WNT10B: variants seen among roughly 807,000 people sequenced by gnomAD.
WNT10B encodes the protein protein Wnt-10b.
Under a neutral mutation model 32.7 loss-of-function variants are expected in WNT10B, and 26 were observed. The observed-to-expected ratio is 0.79, with a 90% CI of 0.58 to 1.10. The LOEUF (loss-of-function observed/expected upper bound fraction) is 1.10. Among genes scored for constraint, WNT10B ranks in the 50% least tolerant of loss-of-function variants. The probability of loss-of-function intolerance (pLI) is 0.00; values close to 1 mark genes in which losing one functional copy is unlikely to be tolerated. For missense variants in WNT10B, 474 were observed against 532.5 expected (o/e 0.89, Z 1.08); for synonymous variants, 204 against 220.4 (o/e 0.93, Z 0.66).
rs895712451 is a variant in WNT10B, at chr12:48,970,573, C to A, written c.-40-4G>T. The A allele has an allele frequency of 6.4e-7, 1 of 1,552,124 alleles. No individual in the cohort carries two copies. Among genetic ancestry groups the A allele is most frequent in the Non-Finnish European group, 8.7e-7 (1 of 1,146,278 alleles). ...CGGTGGGCAGATCGATCAGGACCTGCGGGACGGGAGACTTGATGCGGGTTC... is the reference window on the plus strand; with the variant it reads ...CGGTGGGCAGATCGATCAGGACCTGAGGGACGGGAGACTTGATGCGGGTTC... On this transcript the variant is annotated splice_region_variant and splice_polypyrimidine_tract_variant and intron_variant, in intron 1 of 4. Coordinates refer to ENST00000301061, the MANE Select transcript of WNT10B (RefSeq NM_003394.4). This position sits in a 1 kb window ranked among gnomAD's most constrained non-coding sequence, Gnocchi z 5.0.
intron 3 of WNT10B, chr12:48,969,044 T>A: frequency 2.1e-6 from 1 of 468,692 alleles, no homozygotes; most frequent in Non-Finnish European, 4.4e-6. Context: ...GCTTCTTTGT[T>A]ATGTTTTGGG....
rs1326278545 is a variant in WNT10B, at chr12:48,970,025, C to T, written c.337+64G>A. On this transcript the variant is annotated intron_variant, in intron 3 of 4. Coordinates refer to ENST00000301061, the MANE Select transcript of WNT10B (RefSeq NM_003394.4). The surrounding 1 kb of genome is among the most constrained non-coding windows in gnomAD (Gnocchi z 5.0). ...GAAACCATCCCTTCCCGCCTCCGCG[C>T]GCCTCGCCCTGCCGCCCACCCCCTA... 14 of 1,391,172 alleles carry T rather than the reference C, an allele frequency of 1.0e-5. No individual in the cohort carries two copies. The highest frequency in any genetic ancestry group is 1.2e-5 in the Non-Finnish European group (13 of 1,080,136). The allele number at this position is 1,391,172 out of a possible 1,614,324, so 86.2% of individuals were successfully genotyped here.
intron 3 of WNT10B, among the ~76,000 whole-genome samples, chr12:48,968,802 A>T (rs1415950221): frequency 1.5e-4 from 22 of 143,102 alleles, no homozygotes; most frequent in Middle Eastern, 3.6e-3. Flanking sequence ...TTTTTTTTTT[A>T]AATTCACTTC....
rs1940827775 is a variant in WNT10B, at chr12:48,970,265, A to T, written c.161T>A (p.Leu54Gln). 1 of 1,613,452 alleles carries T rather than the reference A, an allele frequency of 6.2e-7. No homozygotes were observed. The highest frequency in any genetic ancestry group is 1.1e-5 in the South Asian group (1 of 91,004). The change falls in exon 3 of 5, where the codon CTG (leucine) becomes CAG (glutamine). Residue 54 changes from leucine (L) to glutamine (Q), a missense_variant. Coordinates refer to ENST00000301061, the MANE Select transcript of WNT10B (RefSeq NM_003394.4). The surrounding 1 kb of genome is among the most constrained non-coding windows in gnomAD (Gnocchi z 5.0). The stretch of plus-strand genomic sequence containing the variant: ...GCACAGGCCTAGCTGCCGCTTGCTC[A>T]GGCCGGACAGCGTCAAGCACACGGT... ...ANTVCLTLSGLSKRQLGLCLR... is the reference protein window; with the variant it reads ...ANTVCLTLSGQSKRQLGLCLR...
chr12:48,970,211 G>A lies in WNT10B; in HGVS notation c.215C>T (p.Ala72Val). Reference sequence around the variant, plus strand: ...GACCGCGATGTGCAGACCCTGAAGCGCGGACGCCGTCACGTCGGGGTTGCG... The same window carrying A: ...GACCGCGATGTGCAGACCCTGAAGCACGGACGCCGTCACGTCGGGGTTGCG... Reference protein sequence around the residue: ...CLRNPDVTASALQGLHIAVHE... With the variant: ...CLRNPDVTASVLQGLHIAVHE... Residue 72 changes from alanine to valine, a missense_variant, in exon 3 of 5, where the codon GCG becomes GTG. Ala to Val is a moderately conservative substitution (Grantham distance 64). Transcript: ENST00000301061. This position sits in a 1 kb window ranked among gnomAD's most constrained non-coding sequence, Gnocchi z 5.0. 6.3e-7 allele frequency: 1 copy of A among 1,596,714 alleles called. No individual in the cohort carries two copies. The highest frequency in any genetic ancestry group is 1.3e-5 in the African/African-American group (1 of 74,632).
chr12:48,970,897 A>C lies in WNT10B; in HGVS notation c.-40-328T>G. 5.8e-6 allele frequency: 2 copies of C among 342,630 alleles called. No individual in the cohort carries two copies. The highest frequency in any genetic ancestry group is 1.1e-5 in the Non-Finnish European group (2 of 182,486). 21.2% of individuals were successfully genotyped at this position (342,630 alleles called of 1,614,324 possible). ...CAGACTCACAAACACTTGCTCCACAACCTCGCCTACTGCTCCCTTTTCCAG... is the reference window on the plus strand; with the variant it reads ...CAGACTCACAAACACTTGCTCCACACCCTCGCCTACTGCTCCCTTTTCCAG... On this transcript the variant is annotated intron_variant, in intron 1 of 4. Coordinates refer to ENST00000301061, the MANE Select transcript of WNT10B (RefSeq NM_003394.4). The surrounding 1 kb of genome is among the most constrained non-coding windows in gnomAD (Gnocchi z 5.0).
rs2137614951 is a variant in WNT10B at position 48,970,171 on chromosome 12, G to A, written c.255C>T (p.His85=). ...GLHIAVHECQ[H]QLRDQRWNCS... ...AGTTCCAGCGCTGGTCGCGCAGCTG[G>A]TGCTGACACTCGTGGACCGCGATGT... The change falls in exon 3 of 5, where the codon CAC becomes CAT. Residue 85 remains histidine, a synonymous_variant. Coordinates refer to ENST00000301061, the MANE Select transcript of WNT10B (RefSeq NM_003394.4). The surrounding 1 kb of genome is among the most constrained non-coding windows in gnomAD (Gnocchi z 5.0). The A allele has an allele frequency of 6.4e-7, 1 of 1,558,762 alleles. No individual in the cohort carries two copies.
intron 1 of WNT10B, among the ~76,000 whole-genome samples, chr12:48,971,235 G>A (rs1380010167): frequency 6.6e-6 from 1 of 152,144 alleles, no homozygotes; most frequent in Admixed American, 6.6e-5. Flanking sequence ...ATAGTCGCCC[G>A]TCTGGTCCTC....
chr12:48,971,451 T>C lies in WNT10B; in HGVS notation c.-41+4A>G. On this transcript the variant is annotated splice_donor_region_variant and intron_variant, in intron 1 of 4. Transcript: ENST00000301061. ...GCCCTCCCTGCTTTCCCAGGTCTAA[T>C]TACCTCCAGTGGTTTGGGTGCGGGG... 1 of 152,548 alleles carries C rather than the reference T, an allele frequency of 6.6e-6. No individual in the cohort carries two copies. Among genetic ancestry groups the C allele is most frequent in the Non-Finnish European group, 1.5e-5 (1 of 68,224 alleles). The allele number at this position is 152,548 out of a possible 1,614,324, so 9.4% of individuals were successfully genotyped here.
intron 3 of WNT10B, among the ~76,000 whole-genome samples, chr12:48,969,699 TG>T (rs1940809812): frequency 6.6e-6 from 1 of 151,148 alleles, no homozygotes; most frequent in Non-Finnish European, 1.5e-5. Context: ...GCTGAGACAC[TG>T]GGGACACCAG....
At chr12:48,969,245 T>C (rs1940801627) in intron 3 of WNT10B, 1 of 420,182 alleles carries the variant, frequency 2.4e-6, no homozygotes, top group Non-Finnish European at 4.8e-6. Flanking sequence ...AGGCCTCTGC[T>C]ACCCCAGGAT....
In WNT10B at chr12:48,968,314, G is replaced by C. The variant is rs775699954; in HGVS notation, c.343C>G (p.Arg115Gly). 3.7e-6 allele frequency: 6 copies of C among 1,600,360 alleles called. No individual in the cohort carries two copies. Among genetic ancestry groups the C allele is most frequent in the Non-Finnish European group, 5.1e-6 (6 of 1,179,964 alleles). Residue 115 changes from arginine (R) to glycine (G), a missense_variant, in exon 4 of 5, where the codon CGA becomes GGA. Physicochemically the swap from Arg to Gly is moderately radical, Grantham distance 125. Transcript: ENST00000301061. ...HHSAILKRGF[R>G]ESAFSFSMLA... ...ATGGAGAAGGAAAAAGCACTTTCTC[G>C]GAAACCTGGGGATGAGAAGGGTGTG... is the stretch of plus-strand genomic sequence containing the variant.
Position 48,970,117 on chromosome 12 carries a change from C to G in WNT10B, c.309G>C (p.Leu103=). The G allele has an allele frequency of 6.5e-7, 1 of 1,527,996 alleles. No individual in the cohort carries two copies. The highest frequency in any genetic ancestry group is 2.5e-5 in the East Asian group (1 of 40,610). The allele number at this position is 1,527,996 out of a possible 1,614,324, so 94.7% of individuals were successfully genotyped here. ...NCSALEGGGR[L]PHHSAILKRG... ...GCTTGAGGATGGCGCTGTGGTGCGG[C>G]AGGCGGCCGCCGCCCTCAAGCGCGG... The change falls in exon 3 of 5, where the codon CTG becomes CTC. Residue 103 remains leucine, a synonymous_variant. Coordinates refer to ENST00000301061, the MANE Select transcript of WNT10B (RefSeq NM_003394.4). The surrounding 1 kb of genome is among the most constrained non-coding windows in gnomAD (Gnocchi z 5.0).
rs1940838038 is a variant in WNT10B at position 48,970,646 on chromosome 12, G to T, written c.-40-77C>A. 1 of 1,186,036 alleles carries T rather than the reference G, an allele frequency of 8.4e-7. No individual in the cohort carries two copies. Among genetic ancestry groups the T allele is most frequent in the Non-Finnish European group, 1.2e-6 (1 of 824,526 alleles). 73.5% of individuals were successfully genotyped at this position (1,186,036 alleles called of 1,614,324 possible). A position where few individuals can be genotyped will look rare whatever the true frequency, so the allele number is the denominator to read the frequency against. ...GGAACCAAGTGACGCCCTTCTTCGG[G>T]CTCCTAACCCACCGGTGCCACCCTA... On this transcript the variant is annotated intron_variant, in intron 1 of 4. Coordinates refer to ENST00000301061, the MANE Select transcript of WNT10B (RefSeq NM_003394.4). This position sits in a 1 kb window ranked among gnomAD's most constrained non-coding sequence, Gnocchi z 5.0.
In WNT10B at chr12:48,966,134, A is replaced by G. The variant is rs1382282596; in HGVS notation, c.1131T>C (p.Asp377=). Residue 377 remains aspartate (D), a synonymous_variant, in exon 5 of 5, where the codon GAT becomes GAC. Transcript: ENST00000301061. ...TCACCCACTCTGTAACCTTGCACTCATCACACAGCACATAGCAGCACCAGT... is the reference window on the plus strand; with the variant it reads ...TCACCCACTCTGTAACCTTGCACTCGTCACACAGCACATAGCAGCACCAGT... ...RFHWCCYVLC[D]ECKVTEWVNV... is the part of the protein sequence containing the mutation. 1.2e-6 allele frequency: 2 copies of G among 1,613,780 alleles called. No individual in the cohort carries two copies. The highest frequency in any genetic ancestry group is 1.7e-6 in the Non-Finnish European group (2 of 1,180,028).
rs1470903438 is a variant in WNT10B at position 48,965,913 on chromosome 12, T to C, written c.*182A>G. ...GCTTCCCCTCAAGACCCTCCAATTG[T>C]TGGGGAGAAGGCTACACATCCCAGA... is the stretch of plus-strand genomic sequence containing the variant. On this transcript the variant is annotated 3_prime_UTR_variant, in exon 5 of 5. Coordinates refer to ENST00000301061, the MANE Select transcript of WNT10B (RefSeq NM_003394.4). 2.9e-6 allele frequency: 2 copies of C among 686,684 alleles called. No individual in the cohort carries two copies. The highest frequency in any genetic ancestry group is 4.9e-6 in the Non-Finnish European group (2 of 408,326). The allele number at this position is 686,684 out of a possible 1,614,324, so 42.5% of individuals were successfully genotyped here. A position where few individuals can be genotyped will look rare whatever the true frequency, so the allele number is the denominator to read the frequency against.
At chr12:48,969,359 A>G (rs1349874732) in intron 3 of WNT10B, among the ~76,000 whole-genome samples, 1 of 152,008 alleles carries the variant, frequency 6.6e-6, no homozygotes, top group Non-Finnish European at 1.5e-5. Flanking sequence ...GCAGCTGCCT[A>G]TTAACCCCAT....
rs986453506 is a variant in WNT10B at position 48,965,793 on chromosome 12, G to C, written c.*302C>G. ...CCAGCCAAAAGGAGTATGAATCAGGGTTAAAGGGGCTCTGGAGTTGAGAAG... is the reference window on the plus strand; with the variant it reads ...CCAGCCAAAAGGAGTATGAATCAGGCTTAAAGGGGCTCTGGAGTTGAGAAG... On this transcript the variant is annotated 3_prime_UTR_variant, in exon 5 of 5. Transcript: ENST00000301061. 4.7e-6 allele frequency: 2 copies of C among 429,220 alleles called. No homozygotes were observed. Among genetic ancestry groups the C allele is most frequent in the Non-Finnish European group, 8.6e-6 (2 of 231,952 alleles). 26.6% of individuals were successfully genotyped at this position (429,220 alleles called of 1,614,324 possible).
Position 48,970,574 on chromosome 12 carries a change from G to A in WNT10B, c.-40-5C>T. ...GGTGGGCAGATCGATCAGGACCTGCGGGACGGGAGACTTGATGCGGGTTCA... is the reference window on the plus strand; with the variant it reads ...GGTGGGCAGATCGATCAGGACCTGCAGGACGGGAGACTTGATGCGGGTTCA... On this transcript the variant is annotated splice_region_variant and splice_polypyrimidine_tract_variant and intron_variant, in intron 1 of 4. Coordinates refer to ENST00000301061, the MANE Select transcript of WNT10B (RefSeq NM_003394.4). The surrounding 1 kb of genome is among the most constrained non-coding windows in gnomAD (Gnocchi z 5.0). The A allele has an allele frequency of 6.5e-7, 1 of 1,549,912 alleles. No individual in the cohort carries two copies. Among genetic ancestry groups the A allele is most frequent in the Non-Finnish European group, 8.7e-7 (1 of 1,144,388 alleles).
Sources: allele counts gnomAD v4.1 joint callset (sites outside exome capture counted in the v4.1 genomes callset), GRCh38; gene constraint gnomAD v4.1.1; non-coding constraint Gnocchi (gnomAD v3.1); transcripts MANE v1.5; gene names NCBI Gene and HGNC (gene_info 2026-07-23, HGNC 2026-07-21).